The following CREB5 variants were observed in gnomAD, a reference collection of about 807,000 sequenced individuals.
The protein encoded by CREB5 is cAMP responsive element binding protein 5.
A neutral mutation model predicts 57.1 loss-of-function variants in CREB5; 19 were observed. The observed-to-expected ratio is 0.33, with a 90% CI of 0.23 to 0.49. CREB5 has a LOEUF of 0.49. Among genes scored for constraint, CREB5 ranks in the 20% least tolerant of loss-of-function variants. The pLI is 0.99. For synonymous variants in CREB5, 238 were observed against 238.3 expected (o/e 1.00, Z 0.01); for missense variants, 579 against 671.6 (o/e 0.86, Z 1.52).
chr7:28,412,960 T>A (rs1292107578), intron 1 of CREB5, 43 bp downstream of exon 1: 1 of 1,391,434 alleles, frequency 7.2e-7, no homozygotes, highest in East Asian at 2.5e-5. Context: ...GAGAGAAAAC[T>A]TTGCACTTAG....
At chr7:28,790,428 A>AG (rs1807597257) in intron 7 of CREB5, among the ~76,000 whole-genome samples, 8 of 115,694 alleles carry the variant, frequency 6.9e-5, no homozygotes, top group East Asian at 4.3e-4. Flanking sequence ...GAAAGAAAGA[A>AG]AGAGAGAGAG....
In CREB5 at chr7:28,728,612, C is replaced by A. The variant is rs556108069; in HGVS notation, c.702+4280C>A. On this transcript the variant is annotated intron_variant, in intron 7 of 10. Coordinates refer to ENST00000357727, the MANE Select transcript of CREB5 (RefSeq NM_182898.4). ...TCACTGTTCTTTATCCAAACACATT[C>A]TTGTCTTGACTTTTCTTATTTTACA... Among the ~76,000 whole-genome samples the A allele has an allele frequency of 4.6e-5, 7 of 152,320 alleles. No individual in the cohort carries two copies. In the South Asian group the frequency reaches 1.4e-3, roughly 32 times the overall value.
chr7:28,818,084 T>A lies in CREB5; in HGVS notation c.1268T>A (p.Met423Lys). 1 of 1,613,408 alleles carries A rather than the reference T, an allele frequency of 6.2e-7. No homozygotes were observed. The highest frequency in any genetic ancestry group is 8.5e-7 in the Non-Finnish European group (1 of 1,179,534). Residue 423 changes from methionine to lysine, a missense_variant, in exon 10 of 11, where the codon ATG becomes AAG. Met to Lys is a moderately conservative substitution (Grantham distance 95). Transcript: ENST00000357727. Reference protein sequence around the residue: ...TNMQLQNEVSMLKNEVAQLKQ... With the variant: ...TNMQLQNEVSKLKNEVAQLKQ... The stretch of plus-strand genomic sequence containing the variant: ...TATCTCTTTTAGAATGAAGTGTCTA[T>A]GTTGAAAAATGAGGTGGCCCAGCTG...
intron 7 of CREB5, among the ~76,000 whole-genome samples, chr7:28,741,009 T>TG (rs1355806396): frequency 6.6e-6 from 1 of 151,838 alleles, no homozygotes; most frequent in Non-Finnish European, 1.5e-5. Flanking sequence ...TTTTTTTTTT[T>TG]TTTTCAACCT....
At chr7:28,606,970 A>G (rs1015188856) in intron 5 of CREB5, among the ~76,000 whole-genome samples, 1 of 152,120 alleles carries the variant, frequency 6.6e-6, no homozygotes, top group Admixed American at 6.5e-5. Flanking sequence ...AACATTCAAT[A>G]TCCTCCTTCC....
intron 1 of CREB5, among the ~76,000 whole-genome samples, chr7:28,305,424 T>C (rs1483549178): frequency 6.6e-6 from 1 of 152,190 alleles, no homozygotes; most frequent in Non-Finnish European, 1.5e-5. Flanking sequence ...TCGACATCAG[T>C]GTGGACGTCA....
intron 5 of CREB5, among the ~76,000 whole-genome samples, chr7:28,585,162 ACTT>A (rs1796262841): frequency 6.6e-6 from 1 of 152,188 alleles, no homozygotes; most frequent in Admixed American, 6.5e-5. Flanking sequence ...TGAAGCACAC[ACTT>A]CTTGTTGATT....
At chr7:28,572,999 T>C (rs1795762557) in intron 5 of CREB5, among the ~76,000 whole-genome samples, 1 of 152,210 alleles carries the variant, frequency 6.6e-6, no homozygotes, top group Admixed American at 6.5e-5. Flanking sequence ...CTGGTGTGTT[T>C]GCCATGTTGA....
At chr7:28,722,583 T>C (rs1803098958) in intron 6 of CREB5, among the ~76,000 whole-genome samples, 1 of 152,232 alleles carries the variant, frequency 6.6e-6, no homozygotes, top group Admixed American at 6.5e-5. Context: ...ATGTTATTTG[T>C]GTTTTACCAC....
intron 5 of CREB5, among the ~76,000 whole-genome samples, chr7:28,662,088 C>G (rs1263576165): frequency 6.6e-6 from 1 of 152,158 alleles, no homozygotes; most frequent in African/African-American, 2.4e-5. Flanking sequence ...AAGGGCTGCT[C>G]TTCTAGCGGC....
At chr7:28,416,658 G>A (rs1255823165) in intron 1 of CREB5, among the ~76,000 whole-genome samples, 1 of 152,182 alleles carries the variant, frequency 6.6e-6, no homozygotes, top group Non-Finnish European at 1.5e-5. Flanking sequence ...AATATTATAG[G>A]CTCAAGCTTC....
In CREB5 at chr7:28,825,621, T is replaced by A. The variant is rs1170721296; in HGVS notation, c.*6342T>A. 6.6e-6 allele frequency: 1 copy of A among 152,658 alleles called. No homozygotes were observed. Among genetic ancestry groups the A allele is most frequent in the Non-Finnish European group, 1.5e-5 (1 of 68,036 alleles). The allele number at this position is 152,658 out of a possible 1,614,324, so 9.5% of individuals were successfully genotyped here. On this transcript the variant is annotated 3_prime_UTR_variant, in exon 11 of 11. Coordinates refer to ENST00000357727, the MANE Select transcript of CREB5 (RefSeq NM_182898.4). ...GCATTTGTGTTTGTTTGTCTATTTG[T>A]AAAGCAACCACCTTCCTTATTGGAA...
chr7:28,601,768 A>G (rs1796928098), intron 5 of CREB5, among the ~76,000 whole-genome samples: 1 of 152,202 alleles, frequency 6.6e-6, no homozygotes, highest in African/African-American at 2.4e-5. Context: ...AAAACCACTC[A>G]GCAGTCTTGG....
chr7:28,807,383 A>C (rs749941593), intron 8 of CREB5, among the ~76,000 whole-genome samples: 12 of 152,212 alleles, frequency 7.9e-5, no homozygotes, highest in Non-Finnish European at 1.6e-4. Context: ...TGGGCAGCAA[A>C]GGTTGCAGTG....
chr7:28,323,495 CCTT>C (rs1338055734), intron 1 of CREB5, among the ~76,000 whole-genome samples: 1 of 152,070 alleles, frequency 6.6e-6, no homozygotes, highest in Non-Finnish European at 1.5e-5. Flanking sequence ...CTTTTCCTTT[CCTT>C]CTTGTGTCAT....
chr7:28,745,972 C>T lies in CREB5; in HGVS notation c.702+21640C>T, dbSNP rs535965108. Among the ~76,000 whole-genome samples the T allele has an allele frequency of 1.2e-4, 18 of 152,288 alleles. 1 individual carries two copies. The Middle Eastern group carries it at 0.017, about 144-fold the overall frequency. On this transcript the variant is annotated intron_variant, in intron 7 of 10. Coordinates refer to ENST00000357727, the MANE Select transcript of CREB5 (RefSeq NM_182898.4). ...TGCTCAAGCCCTCCTGGAGGAAGTC[C>T]AGATCAATGCTTCTACTCACTGTCC... is the stretch of plus-strand genomic sequence containing the variant.
intron 1 of CREB5, among the ~76,000 whole-genome samples, chr7:28,369,717 C>A (rs1424926187): frequency 2.6e-5 from 4 of 152,176 alleles, no homozygotes; most frequent in Admixed American, 6.5e-5. Flanking sequence ...TGCCTCAAGG[C>A]AGGGCAGACC....
chr7:28,396,588 G>A (rs1246140625), intron 1 of CREB5, among the ~76,000 whole-genome samples: 1 of 152,130 alleles, frequency 6.6e-6, no homozygotes, highest in African/African-American at 2.4e-5. Context: ...CATGATGTCA[G>A]GAGGATATTA....
At chr7:28,642,985 C>CACACACACACAT in intron 5 of CREB5, among the ~76,000 whole-genome samples, 1 of 108,584 alleles carries the variant, frequency 9.2e-6, no homozygotes, top group Admixed American at 9.4e-5. Context: ...CACACACACA[C>CACACACACACAT]ATACACACAC....
Sources: gnomAD v4.1 joint callset for allele counts (sites outside exome capture counted in the v4.1 genomes callset) on GRCh38, gnomAD v4.1.1 for gene constraint, MANE v1.5 for transcripts, NCBI Gene and HGNC (gene_info 2026-07-23, HGNC 2026-07-21) for gene names.